TMEM177: variants seen among roughly 807,000 people sequenced by gnomAD.
TMEM177 encodes the protein transmembrane protein 177.
In TMEM177, 4 loss-of-function variants were observed where a neutral mutation model predicts 14.2. The ratio of observed to expected loss-of-function variants is 0.28; its 90% CI spans 0.14 to 0.64. The LOEUF (loss-of-function observed/expected upper bound fraction) is 0.64. Ranked by LOEUF, TMEM177 falls within the 30% of genes least tolerant of loss-of-function variation. The pLI is 0.82. For synonymous variants in TMEM177, 179 were observed against 174.5 expected (o/e 1.03, Z -0.20); for missense variants, 344 against 405.2 (o/e 0.85, Z 1.30).
the TMEM177 span, among the ~76,000 whole-genome samples, chr2:119,711,506 A>G: frequency 6.6e-6 from 1 of 152,214 alleles, no homozygotes; most frequent in Admixed American, 6.5e-5. Flanking sequence ...GAAAGCAGAA[A>G]ACGCTTCAGG....
At chr2:119,689,821 A>C (rs1689067592), downstream of TMEM177, among the ~76,000 whole-genome samples, 1 of 152,196 alleles carries the variant, frequency 6.6e-6, no homozygotes. Context: ...GAACAGAGAG[A>C]ATTTAATATA....
chr2:119,720,431 C>T, the TMEM177 span, among the ~76,000 whole-genome samples: 3 of 152,040 alleles, frequency 2.0e-5, no homozygotes, highest in African/African-American at 2.4e-5. Flanking sequence ...TGTGCCACCA[C>T]GCCCAGCTAA....
At chr2:119,723,374 GT>G in the TMEM177 span, among the ~76,000 whole-genome samples, 1 of 152,204 alleles carries the variant, frequency 6.6e-6, no homozygotes, top group East Asian at 1.9e-4. Context: ...ACATTACACA[GT>G]TGGCAATGCT....
At chr2:119,693,593 C>A in the TMEM177 span, among the ~76,000 whole-genome samples, 1 of 152,102 alleles carries the variant, frequency 6.6e-6, no homozygotes, top group Non-Finnish European at 1.5e-5. Flanking sequence ...TGAGCTGACC[C>A]GTGTGTGTCC....
chr2:119,713,492 C>T, the TMEM177 span, among the ~76,000 whole-genome samples: 7 of 152,074 alleles, frequency 4.6e-5, no homozygotes, highest in African/African-American at 9.7e-5. Context: ...GTATTATATT[C>T]GTTATATTAT....
At chr2:119,680,439 T>C (rs921808393) in intron 1 of TMEM177, among the ~76,000 whole-genome samples, 1 of 152,166 alleles carries the variant, frequency 6.6e-6, no homozygotes, top group South Asian at 2.1e-4. Flanking sequence ...TTTTTCCTTA[T>C]AAATTAGTAA....
the TMEM177 span, among the ~76,000 whole-genome samples, chr2:119,702,761 G>T: frequency 6.6e-6 from 1 of 152,206 alleles, no homozygotes; most frequent in Non-Finnish European, 1.5e-5. Context: ...TCCTGGAGGA[G>T]GTGAGGCTGA....
chr2:119,687,456 T>C (rs1005780905), downstream of TMEM177, among the ~76,000 whole-genome samples: 2 of 152,116 alleles, frequency 1.3e-5, no homozygotes, highest in African/African-American at 4.8e-5. Context: ...TCAGGAAACT[T>C]ACAATCATGG....
chr2:119,681,091 T>C lies in TMEM177; in HGVS notation c.238T>C (p.Tyr80His), dbSNP rs751674208. The part of the protein sequence containing the change: ...QDIGVPSGHC[Y>H]KPFTTFTFQP... ...CATAGGTGTTCCTTCAGGCCATTGC[T>C]ACAAGCCCTTCACCACCTTCACCTT... Residue 80 changes from tyrosine (Y) to histidine (H), a missense_variant, in exon 2 of 2, where the codon TAC becomes CAC. Physicochemically the swap from Tyr to His is moderately conservative, Grantham distance 83. Coordinates refer to ENST00000272521, the MANE Select transcript of TMEM177 (RefSeq NM_030577.3). 1.2e-6 allele frequency: 2 copies of C among 1,614,264 alleles called. No individual in the cohort carries two copies. The highest frequency in any genetic ancestry group is 2.2e-5 in the South Asian group (2 of 91,090).
At chr2:119,689,916 G>A (rs1689068820), downstream of TMEM177, among the ~76,000 whole-genome samples, 1 of 152,198 alleles carries the variant, frequency 6.6e-6, no homozygotes, top group South Asian at 2.1e-4. Flanking sequence ...AAGAAGTCCA[G>A]AGCCACCTGG....
At chr2:119,691,523 C>T in the TMEM177 span, among the ~76,000 whole-genome samples, 2 of 152,126 alleles carry the variant, frequency 1.3e-5, no homozygotes, top group African/African-American at 2.4e-5. Flanking sequence ...ACAACATTCT[C>T]AAGCACCCAG....
rs1283639117 is a variant in TMEM177 at position 119,679,268 on chromosome 2, T to G, written c.-31T>G. ...CGGGAGGGACCCTTCTCCGGCCTGA[T>G]GCGACCCGGTAACGCGTTCAGACTG... On this transcript the variant is annotated 5_prime_UTR_variant, in exon 1 of 2. It removes an upstream start codon present in the reference 5' UTR. Transcript: ENST00000272521. 6.6e-6 allele frequency: 1 copy of G among 152,226 alleles called. No homozygotes were observed. The highest frequency in any genetic ancestry group is 6.5e-5 in the Admixed American group (1 of 15,290). 9.4% of individuals were successfully genotyped at this position (152,226 alleles called of 1,614,324 possible). A position where few individuals can be genotyped will look rare whatever the true frequency, so the allele number is the denominator to read the frequency against.
At chr2:119,687,360 G>A (rs529468149), downstream of TMEM177, among the ~76,000 whole-genome samples, 1 of 152,268 alleles carries the variant, frequency 6.6e-6, no homozygotes, top group South Asian at 2.1e-4. Flanking sequence ...CCATTCTCAT[G>A]CTGCTATGAA....
the TMEM177 span, among the ~76,000 whole-genome samples, chr2:119,711,211 T>C: frequency 5.3e-5 from 8 of 152,090 alleles, no homozygotes; most frequent in East Asian, 1.5e-3. Flanking sequence ...GACTGGACCA[T>C]AGGGGTTTTT....
the TMEM177 span, among the ~76,000 whole-genome samples, chr2:119,693,953 ATG>A: frequency 0.094 from 280 of 2,964 alleles, 9 homozygotes; most frequent in South Asian, 0.16. Context: ...CCACACACAC[ATG>A]CAACATACCA....
chr2:119,688,317 A>G (rs905142070), downstream of TMEM177, among the ~76,000 whole-genome samples: 4 of 152,354 alleles, frequency 2.6e-5, no homozygotes, highest in Middle Eastern at 3.4e-3. Flanking sequence ...AATTCAAATA[A>G]TAAGGACTTA....
At chr2:119,686,345 A>C (rs552790063), downstream of TMEM177, 1 of 152,324 alleles carries the variant, frequency 6.6e-6, no homozygotes, top group East Asian at 1.9e-4. Context: ...TTGCTGCCCA[A>C]ATACCAGCAA....
the TMEM177 span, among the ~76,000 whole-genome samples, chr2:119,703,362 C>G: frequency 2.0e-5 from 3 of 152,126 alleles, no homozygotes; most frequent in Non-Finnish European, 4.4e-5. Flanking sequence ...AAGCCTGTGG[C>G]CTGTGGAGAG....
the TMEM177 span, among the ~76,000 whole-genome samples, chr2:119,694,132 G>A: frequency 2.9e-3 from 56 of 19,580 alleles, no homozygotes; most frequent in Middle Eastern, 0.045. Flanking sequence ...CACATGCCAC[G>A]CACATTGCAC....
Sources: allele counts gnomAD v4.1 joint callset (sites outside exome capture counted in the v4.1 genomes callset), GRCh38; gene constraint gnomAD v4.1.1; transcripts MANE v1.5; gene names NCBI Gene and HGNC (gene_info 2026-07-23, HGNC 2026-07-21).